OSBPL8: variants seen among roughly 807,000 people sequenced by gnomAD.
The protein encoded by OSBPL8 is oxysterol binding protein like 8.
OSBPL8 carries 59 observed loss-of-function variants against 125.5 expected under a neutral mutation model. That is an observed-to-expected ratio of 0.47 (90% CI 0.38 to 0.58). The LOEUF (loss-of-function observed/expected upper bound fraction) is 0.58. Ranked by LOEUF, OSBPL8 falls within the 20% of genes least tolerant of loss-of-function variation. The probability of loss-of-function intolerance (pLI) is 0.00; values close to 1 mark genes in which losing one functional copy is unlikely to be tolerated. For synonymous variants in OSBPL8, 330 were observed against 338.9 expected, an observed-to-expected ratio of 0.97 and a Z score of 0.29; for missense variants, 758 against 1,047.8, an observed-to-expected ratio of 0.72 and a Z score of 3.82.
intron 1 of OSBPL8, among the ~76,000 whole-genome samples, chr12:76,517,598 G>C (rs1881677098): frequency 6.6e-6 from 1 of 152,160 alleles, no homozygotes; most frequent in Non-Finnish European, 1.5e-5. Flanking sequence ...ATTCCGTTAT[G>C]TACTAGTCCA....
chr12:76,370,547 AAAGT>A (rs1195576565), intron 19 of OSBPL8, among the ~76,000 whole-genome samples: 1 of 152,216 alleles, frequency 6.6e-6, no homozygotes, highest in Non-Finnish European at 1.5e-5. Context: ...TGGTGCACTT[AAAGT>A]TATTTATCCT....
intron 1 of OSBPL8, among the ~76,000 whole-genome samples, chr12:76,513,836 G>A (rs1371601882): frequency 1.3e-5 from 2 of 150,494 alleles, no homozygotes; most frequent in African/African-American, 2.4e-5. Flanking sequence ...TTACATGTGA[G>A]GTGAGTCTTT....
intron 1 of OSBPL8, among the ~76,000 whole-genome samples, chr12:76,528,251 T>A (rs980854757): frequency 7.0e-6 from 1 of 141,970 alleles, no homozygotes; most frequent in Non-Finnish European, 1.5e-5. Context: ...AACTGGGACC[T>A]GGGAGGCGGA....
At chr12:76,444,376 T>A (rs1185404039) in intron 4 of OSBPL8, among the ~76,000 whole-genome samples, 1 of 152,182 alleles carries the variant, frequency 6.6e-6, no homozygotes, top group African/African-American at 2.4e-5. Context: ...TATAAGAATT[T>A]TGAAAACTGA....
intron 4 of OSBPL8, among the ~76,000 whole-genome samples, chr12:76,424,170 T>C (rs1869857943): frequency 6.6e-6 from 1 of 152,032 alleles, no homozygotes; most frequent in African/African-American, 2.4e-5. Context: ...CTGGCTAATT[T>C]TTGTATTTTT....
chr12:76,538,438 G>GT (rs957103835), intron 1 of OSBPL8, among the ~76,000 whole-genome samples: 3 of 151,952 alleles, frequency 2.0e-5, no homozygotes, highest in East Asian at 1.9e-4. Flanking sequence ...ACTAACTTTT[G>GT]TTTTTTTGTT....
At chr12:76,403,565 GA>G (rs1407561691) in intron 5 of OSBPL8, among the ~76,000 whole-genome samples, 2 of 152,098 alleles carry the variant, frequency 1.3e-5, no homozygotes, top group Non-Finnish European at 2.9e-5. Flanking sequence ...TACCAGAGTA[GA>G]AAAGCACAAA....
intron 1 of OSBPL8, among the ~76,000 whole-genome samples, chr12:76,512,878 T>C (rs1881143522): frequency 6.6e-6 from 1 of 152,224 alleles, no homozygotes. Context: ...TGTTTTATAA[T>C]TCTCATTATA....
intron 17 of OSBPL8, 85 bp downstream of exon 17, chr12:76,375,188 T>C: frequency 1.1e-6 from 1 of 881,028 alleles, no homozygotes; most frequent in Non-Finnish European, 1.7e-6. Flanking sequence ...TAGTCCTTAA[T>C]TAGGAAATAC....
intron 21 of OSBPL8, among the ~76,000 whole-genome samples, chr12:76,364,187 AG>A (rs1214554205): frequency 1.3e-5 from 2 of 152,228 alleles, no homozygotes; most frequent in Non-Finnish European, 2.9e-5. Context: ...TCTACTATAA[AG>A]ACACATGCAC....
At position 76,461,793 on chromosome 12, in the gene OSBPL8, A is replaced by G. The variant is rs1248037440; in HGVS notation, c.43-1898T>C. On this transcript the variant is annotated intron_variant, in intron 2 of 23. Coordinates refer to ENST00000261183, the MANE Select transcript of OSBPL8 (RefSeq NM_020841.5). ...GCCCAATCCCCACTATCCTGACTGC[A>G]ACCACATGAGAGACTGAGTGAGAGA... Among the ~76,000 whole-genome samples the G allele has an allele frequency of 2.6e-5, 4 of 152,156 alleles. No homozygotes were observed. The East Asian group carries it at 7.7e-4, about 29-fold the overall frequency.
chr12:76,428,012 G>C (rs1870353548), intron 4 of OSBPL8, among the ~76,000 whole-genome samples: 1 of 151,900 alleles, frequency 6.6e-6, no homozygotes, highest in Admixed American at 6.6e-5. Context: ...ACTATGTTTT[G>C]GGTAGTGATA....
Position 76,376,765 on chromosome 12 carries a change from G to A in OSBPL8, c.1730-1395C>T, listed in dbSNP as rs114211713. On this transcript the variant is annotated intron_variant, in intron 16 of 23. Transcript: ENST00000261183. ...TTTTGTACATGCTGGGTTGGCCTTC[G>A]ATAAGATTCAGCCCTCCGAGATTTC... 8.6e-3 allele frequency among the ~76,000 whole-genome samples: 1,307 copies of A among 152,116 alleles called. 25 individuals are homozygous for A. Among genetic ancestry groups the A allele is most frequent in the African/African-American group, 0.03 (1,251 of 41,508 alleles).
intron 1 of OSBPL8, among the ~76,000 whole-genome samples, chr12:76,536,071 A>AT (rs917743203): frequency 9.2e-5 from 14 of 151,822 alleles, no homozygotes; most frequent in Admixed American, 3.3e-4. Flanking sequence ...TTTTTTTAGT[A>AT]TTTTTTTTAA....
At chr12:76,410,239 A>C (rs568927552) in intron 5 of OSBPL8, among the ~76,000 whole-genome samples, 3 of 152,172 alleles carry the variant, frequency 2.0e-5, no homozygotes, top group Non-Finnish European at 4.4e-5. Flanking sequence ...AAAACACTTA[A>C]GATTTTTTTT....
intron 1 of OSBPL8, among the ~76,000 whole-genome samples, chr12:76,521,646 C>T (rs527482176): frequency 1.3e-5 from 2 of 152,196 alleles, no homozygotes; most frequent in Admixed American, 6.5e-5. Context: ...ATATGCTACA[C>T]CATGAATAGA....
intron 5 of OSBPL8, among the ~76,000 whole-genome samples, chr12:76,403,497 C>T (rs898700850): frequency 1.3e-5 from 2 of 152,048 alleles, no homozygotes; most frequent in African/African-American, 4.8e-5. Context: ...ATTAACATTG[C>T]GGAGATCAGA....
At chr12:76,483,947 T>C (rs1031033705) in intron 2 of OSBPL8, among the ~76,000 whole-genome samples, 1 of 152,106 alleles carries the variant, frequency 6.6e-6, no homozygotes, top group South Asian at 2.1e-4. Context: ...AGTGCTGAGA[T>C]TACAGGCGTG....
At position 76,355,873 on chromosome 12, in the gene OSBPL8, C is replaced by G. The variant is rs369484524; in HGVS notation, c.*16G>C. The stretch of plus-strand genomic sequence containing the variant: ...ATCAGATCTTTCTAGTTCACTGATT[C>G]AATGGTAGAGAACTTCTACTTGAAC... On this transcript the variant is annotated 3_prime_UTR_variant, in exon 24 of 24. Coordinates refer to ENST00000261183, the MANE Select transcript of OSBPL8 (RefSeq NM_020841.5). 3 of 1,610,804 alleles carry G rather than the reference C, an allele frequency of 1.9e-6. No homozygotes were observed. In the African/African-American group the frequency reaches 4.0e-5, roughly 22 times the overall value.
Sources: gnomAD v4.1 joint callset for allele counts (sites outside exome capture counted in the v4.1 genomes callset) on GRCh38, gnomAD v4.1.1 for gene constraint, MANE v1.5 for transcripts, NCBI Gene and HGNC (gene_info 2026-07-23, HGNC 2026-07-21) for gene names.